TMEM163: variants seen among roughly 807,000 people sequenced by gnomAD.
The protein encoded by TMEM163 is transmembrane protein 163.
In TMEM163, 17 loss-of-function variants were observed where a neutral mutation model predicts 29.3. The ratio of observed to expected loss-of-function variants is 0.58; its 90% CI spans 0.40 to 0.87. The LOEUF (loss-of-function observed/expected upper bound fraction) is 0.87, where lower values mean the gene tolerates loss of function less well. Among genes scored for constraint, TMEM163 ranks in the 40% least tolerant of loss-of-function variants. The pLI is 0.00. For missense variants in TMEM163, 303 were observed against 381.5 expected, an observed-to-expected ratio of 0.79 and a Z score of 1.71; for synonymous variants, 157 against 160.6, an observed-to-expected ratio of 0.98 and a Z score of 0.17.
chr2:134,461,389 G>A (rs76887335), intron 6 of TMEM163, among the ~76,000 whole-genome samples: 1 of 152,194 alleles, frequency 6.6e-6, no homozygotes, highest in African/African-American at 2.4e-5. Flanking sequence ...GAAAACAGCA[G>A]GCTCCTGTTT....
At chr2:134,496,064 A>AT (rs57512015) in intron 5 of TMEM163, among the ~76,000 whole-genome samples, 22,044 of 144,284 alleles carry the variant, frequency 0.15, 2,314 homozygotes, top group East Asian at 0.34. Flanking sequence ...AGGCTTAACT[A>AT]TTTTTTTTTT....
At chr2:134,535,385 T>C (rs1680511027) in intron 4 of TMEM163, among the ~76,000 whole-genome samples, 1 of 152,176 alleles carries the variant, frequency 6.6e-6, no homozygotes, top group African/African-American at 2.4e-5. Flanking sequence ...ACACAGCAAT[T>C]TGCTTGTTCT....
At chr2:134,487,096 T>C (rs950678426) in intron 5 of TMEM163, among the ~76,000 whole-genome samples, 1 of 152,112 alleles carries the variant, frequency 6.6e-6, no homozygotes, top group Non-Finnish European at 1.5e-5. Flanking sequence ...CAGAAGGATA[T>C]AGGATAGCAC....
At chr2:134,472,474 A>G (rs1332361907) in intron 5 of TMEM163, among the ~76,000 whole-genome samples, 1 of 152,250 alleles carries the variant, frequency 6.6e-6, no homozygotes, top group African/African-American at 2.4e-5. Context: ...GGCTATGAGA[A>G]AACAGTCTCT....
intron 2 of TMEM163, among the ~76,000 whole-genome samples, chr2:134,677,025 CAG>C (rs971293579): frequency 6.6e-6 from 1 of 152,068 alleles, no homozygotes; most frequent in African/African-American, 2.4e-5. Context: ...ACATTTTAAC[CAG>C]ATGCAGCCCA....
intron 2 of TMEM163, among the ~76,000 whole-genome samples, chr2:134,576,616 A>G (rs1681560752): frequency 6.6e-6 from 1 of 152,162 alleles, no homozygotes; most frequent in Non-Finnish European, 1.5e-5. Context: ...CCAAGAGGAG[A>G]GACAGATAAT....
intron 2 of TMEM163, among the ~76,000 whole-genome samples, chr2:134,645,235 C>T (rs1036577899): frequency 5.9e-5 from 9 of 152,174 alleles, no homozygotes; most frequent in Non-Finnish European, 1.0e-4. Flanking sequence ...CATACACTTG[C>T]CATATGACCC....
chr2:134,513,982 C>T (rs1680002008), intron 4 of TMEM163, among the ~76,000 whole-genome samples: 1 of 152,222 alleles, frequency 6.6e-6, no homozygotes, highest in Non-Finnish European at 1.5e-5. Context: ...GCTGTCTTTC[C>T]CCGAGCCAGT....
chr2:134,668,994 C>T (rs114509458), intron 2 of TMEM163, among the ~76,000 whole-genome samples: 5,773 of 152,156 alleles, frequency 0.038, 152 homozygotes, highest in Non-Finnish European at 0.057. Flanking sequence ...AAGAGACCAC[C>T]GCCAAGGAGT....
At chr2:134,663,070 C>T (rs112692616) in intron 2 of TMEM163, among the ~76,000 whole-genome samples, 180 of 152,292 alleles carry the variant, frequency 1.2e-3, no homozygotes, top group African/African-American at 4.0e-3. Flanking sequence ...TTTGTGTGAT[C>T]AACCCTCTAT....
intron 2 of TMEM163, among the ~76,000 whole-genome samples, chr2:134,647,307 A>G (rs977881758): frequency 1.3e-5 from 2 of 152,228 alleles, no homozygotes; most frequent in Admixed American, 6.5e-5. Flanking sequence ...GAAAGCAATC[A>G]CAAAAGAAAT....
At chr2:134,577,864 T>A (rs116550428) in intron 2 of TMEM163, among the ~76,000 whole-genome samples, 1,639 of 152,252 alleles carry the variant, frequency 0.011, 28 homozygotes, top group African/African-American at 0.037. Flanking sequence ...GCATAACAAC[T>A]ATTTACATAG....
intron 2 of TMEM163, among the ~76,000 whole-genome samples, chr2:134,633,923 C>T (rs1683033746): frequency 7.0e-6 from 1 of 142,338 alleles, no homozygotes; most frequent in African/African-American, 2.6e-5. Context: ...GATCATGCCA[C>T]TGCACTGGGC....
intron 6 of TMEM163, among the ~76,000 whole-genome samples, chr2:134,462,312 C>T (rs1247547975): frequency 6.6e-6 from 1 of 152,168 alleles, no homozygotes; most frequent in Non-Finnish European, 1.5e-5. Context: ...GCTCCCAGCT[C>T]CCTCGACTCT....
intron 2 of TMEM163, among the ~76,000 whole-genome samples, chr2:134,706,503 G>A (rs1418963425): frequency 6.6e-6 from 1 of 152,152 alleles, no homozygotes; most frequent in African/African-American, 2.4e-5. Flanking sequence ...ATTGTGCATC[G>A]AGTTCCTGAT....
In TMEM163 at chr2:134,527,345, G is replaced by C. The variant is rs150613490; in HGVS notation, c.458+23225C>G. Among the ~76,000 whole-genome samples the C allele has an allele frequency of 5.9e-3, 894 of 152,198 alleles. 10 individuals are homozygous for C. The highest frequency in any genetic ancestry group is 0.021 in the African/African-American group (860 of 41,512). Reference sequence around the variant, plus strand: ...ATAGAGAGAGAGAGGAAGGAAGGGAGGAAGGGGAGGAAACCTTAGAAAGTA... The same window carrying C: ...ATAGAGAGAGAGAGGAAGGAAGGGACGAAGGGGAGGAAACCTTAGAAAGTA... On this transcript the variant is annotated intron_variant, in intron 4 of 7. Transcript: ENST00000281924.
chr2:134,700,933 A>AATACATACATACATAAATAC (rs1241395014), intron 2 of TMEM163, among the ~76,000 whole-genome samples: 27 of 82,726 alleles, frequency 3.3e-4, no homozygotes, highest in African/African-American at 2.4e-3. Flanking sequence ...TAAATAAATA[A>AATACATACATACATAAATAC]ATAAATAAAT....
intron 2 of TMEM163, among the ~76,000 whole-genome samples, chr2:134,705,950 G>C (rs577008312): frequency 7.2e-4 from 110 of 152,322 alleles, no homozygotes; most frequent in Non-Finnish European, 1.3e-3. Flanking sequence ...CTGTGTCACC[G>C]CCACGGCTGT....
At chr2:134,621,890 C>CA (rs1485370883) in intron 2 of TMEM163, among the ~76,000 whole-genome samples, 2 of 150,782 alleles carry the variant, frequency 1.3e-5, no homozygotes, top group East Asian at 3.9e-4. Context: ...GACTCCATCT[C>CA]AAAAAAATTA....
Sources: gnomAD v4.1 joint callset for allele counts (sites outside exome capture counted in the v4.1 genomes callset) on GRCh38, gnomAD v4.1.1 for gene constraint, MANE v1.5 for transcripts, NCBI Gene and HGNC (gene_info 2026-07-23, HGNC 2026-07-21) for gene names.